Variants in CACNA1A observed in about 807,000 individuals in gnomAD.
CACNA1A encodes calcium voltage-gated channel subunit alpha1 A.
A neutral mutation model predicts 262.4 loss-of-function variants in CACNA1A; 57 were observed. The observed-to-expected ratio is 0.22, with a 90% CI of 0.18 to 0.27. The LOEUF (loss-of-function observed/expected upper bound fraction) is 0.27, where lower values mean the gene tolerates loss of function less well. Ranked by LOEUF, CACNA1A falls within the 10% of genes least tolerant of loss-of-function variation. CACNA1A has a pLI of 1.00. For missense variants in CACNA1A, 2,526 were observed against 3,562.8 expected, an observed-to-expected ratio of 0.71 and a Z score of 7.41; for synonymous variants, 1,431 against 1,419.3, an observed-to-expected ratio of 1.01 and a Z score of -0.18.
intron 6 of CACNA1A, among the ~76,000 whole-genome samples, chr19:13,337,397 C>A (rs1033146430): frequency 3.3e-5 from 5 of 152,162 alleles, no homozygotes; most frequent in Non-Finnish European, 7.3e-5. Flanking sequence ...TTTGTTTAAA[C>A]ATGGCATTCT....
chr19:13,421,368 T>C (rs975739047), intron 3 of CACNA1A, among the ~76,000 whole-genome samples: 4 of 152,120 alleles, frequency 2.6e-5, no homozygotes, highest in African/African-American at 4.8e-5. Flanking sequence ...TCATGGGGGA[T>C]AGGACAATGA....
chr19:13,327,743 T>C (rs1323850232), intron 10 of CACNA1A, among the ~76,000 whole-genome samples: 3 of 151,780 alleles, frequency 2.0e-5, no homozygotes, highest in Non-Finnish European at 4.4e-5. Flanking sequence ...CAGCTAATTG[T>C]TGAATTTTTA....
intron 19 of CACNA1A, among the ~76,000 whole-genome samples, chr19:13,296,451 T>C (rs1323816845): frequency 1.3e-5 from 2 of 152,370 alleles, no homozygotes; most frequent in East Asian, 1.9e-4. Context: ...AGAATCACTA[T>C]AGCATCTGCT....
chr19:13,210,213 C>T (rs574395738), intron 44 of CACNA1A, among the ~76,000 whole-genome samples: 4 of 152,310 alleles, frequency 2.6e-5, no homozygotes, highest in South Asian at 2.1e-4. Context: ...ATGGGGCAGA[C>T]GCCCGCCTCC....
intron 3 of CACNA1A, among the ~76,000 whole-genome samples, chr19:13,447,889 C>T (rs143539491): frequency 6.6e-6 from 1 of 152,270 alleles, no homozygotes; most frequent in East Asian, 1.9e-4. Flanking sequence ...GGTGCCCACA[C>T]AGATTGGGGG....
At chr19:13,413,931 G>GAA (rs1219908310) in intron 3 of CACNA1A, among the ~76,000 whole-genome samples, 1 of 126,886 alleles carries the variant, frequency 7.9e-6, no homozygotes, top group Non-Finnish European at 1.9e-5. Context: ...AAGAAAGAAA[G>GAA]AAAGAAAGAA....
intron 4 of CACNA1A, among the ~76,000 whole-genome samples, chr19:13,370,013 A>G (rs1449986001): frequency 6.6e-6 from 1 of 152,204 alleles, no homozygotes; most frequent in African/African-American, 2.4e-5. Context: ...AAAAGAGACT[A>G]CTTCACAGGC....
chr19:13,359,913 G>T (rs981390439), intron 5 of CACNA1A, 114 bp from the exon 6 acceptor site: 8 of 638,684 alleles, frequency 1.3e-5, no homozygotes, highest in Non-Finnish European at 1.8e-5. Flanking sequence ...TGGGACAAAC[G>T]TGATCAGTCT....
chr19:13,389,651 G>C (rs2059678810), intron 3 of CACNA1A, among the ~76,000 whole-genome samples: 2 of 152,084 alleles, frequency 1.3e-5, no homozygotes, highest in African/African-American at 4.8e-5. Context: ...ATGACTTTGA[G>C]TACCATGTCA....
At chr19:13,360,137 A>G (rs921225059) in intron 5 of CACNA1A, among the ~76,000 whole-genome samples, 12 of 150,832 alleles carry the variant, frequency 8.0e-5, no homozygotes, top group Non-Finnish European at 1.5e-4. Context: ...ACATTTTGTC[A>G]TGCATTATCA....
chr19:13,236,050 A>G lies in CACNA1A; in HGVS notation c.4951-320T>C, dbSNP rs763350457. Among the ~76,000 whole-genome samples, 2 of 152,168 alleles carry G rather than the reference A, an allele frequency of 1.3e-5. No individual in the cohort carries two copies. The highest frequency in any genetic ancestry group is 2.9e-5 in the Non-Finnish European group (2 of 68,032). On this transcript the variant is annotated intron_variant, in intron 31 of 46. Transcript: ENST00000360228. The surrounding 1 kb of genome is among the most constrained non-coding windows in gnomAD (Gnocchi z 4.6). ...AAAAAGGAACGGGGATGGGGAAGAA[A>G]TAACAAAAGAACAAGAAAAAGAAAA...
At chr19:13,469,280 T>C (rs940900016) in intron 1 of CACNA1A, among the ~76,000 whole-genome samples, 5 of 152,112 alleles carry the variant, frequency 3.3e-5, no homozygotes, top group African/African-American at 1.2e-4. Context: ...TGACCTCCAA[T>C]TTCCCTGTGG....
chr19:13,418,759 GTGGTTTA>G (rs1310793023), intron 3 of CACNA1A, among the ~76,000 whole-genome samples: 1 of 152,136 alleles, frequency 6.6e-6, no homozygotes, highest in Non-Finnish European at 1.5e-5. Context: ...TTGAAGCCGT[GTGGTTTA>G]TGGTACAGTC....
Position 13,261,435 on chromosome 19 carries a change from A to G in CACNA1A, c.4250+15T>C, listed in dbSNP as rs774357662. The G allele has an allele frequency of 4.5e-6, 7 of 1,558,504 alleles. No homozygotes were observed. The highest frequency in any genetic ancestry group is 6.1e-6 in the Non-Finnish European group (7 of 1,150,026). On this transcript the variant is annotated intron_variant, in intron 26 of 46. Transcript: ENST00000360228. ...GCTGGTTCCAATGGGAATGTGCTGG[A>G]AAGTGGAGACCCACCGACAATCTTT... is the stretch of plus-strand genomic sequence containing the variant.
intron 1 of CACNA1A, among the ~76,000 whole-genome samples, chr19:13,462,448 T>C (rs1418514859): frequency 6.6e-6 from 1 of 152,206 alleles, no homozygotes; most frequent in African/African-American, 2.4e-5. Flanking sequence ...GACATATTCC[T>C]TGGTCCATTA....
At chr19:13,492,373 T>A (rs754718894) in intron 1 of CACNA1A, among the ~76,000 whole-genome samples, 1 of 152,176 alleles carries the variant, frequency 6.6e-6, no homozygotes, top group Non-Finnish European at 1.5e-5. Context: ...CTTTCACTTA[T>A]CTGATTGGTG....
chr19:13,405,945 C>T (rs2059995143), intron 3 of CACNA1A, among the ~76,000 whole-genome samples: 1 of 152,120 alleles, frequency 6.6e-6, no homozygotes, highest in South Asian at 2.1e-4. Context: ...CATGTGGTCT[C>T]AGCAGCCACA....
intron 3 of CACNA1A, among the ~76,000 whole-genome samples, chr19:13,375,392 G>A (rs943822230): frequency 3.3e-5 from 5 of 152,070 alleles, no homozygotes; most frequent in African/African-American, 1.2e-4. Flanking sequence ...GTGTATAACT[G>A]TACAATGGCC....
intron 3 of CACNA1A, among the ~76,000 whole-genome samples, chr19:13,394,979 A>G (rs1333426245): frequency 6.6e-6 from 1 of 152,154 alleles, no homozygotes; most frequent in African/African-American, 2.4e-5. Context: ...TTATAAAAAA[A>G]TTATCTGGCC....
Sources: gnomAD v4.1 joint callset for allele counts (sites outside exome capture counted in the v4.1 genomes callset) on GRCh38, gnomAD v4.1.1 for gene constraint, Gnocchi (gnomAD v3.1) non-coding constraint, MANE v1.5 for transcripts, NCBI Gene and HGNC (gene_info 2026-07-23, HGNC 2026-07-21) for gene names.